The following ABCA1 variants were observed in gnomAD, a reference collection of about 807,000 sequenced individuals.
ABCA1 encodes the protein ATP binding cassette subfamily A member 1.
In ABCA1, 133 loss-of-function variants were observed where a neutral mutation model predicts 262.5. The ratio of observed to expected loss-of-function variants is 0.51; its 90% CI spans 0.44 to 0.59. ABCA1 has a LOEUF of 0.59. Ranked by LOEUF, ABCA1 falls within the 20% of genes least tolerant of loss-of-function variation. The probability of loss-of-function intolerance (pLI) is 0.00; values close to 1 mark genes in which losing one functional copy is unlikely to be tolerated. For missense variants in ABCA1, 2,452 were observed against 2,777.5 expected (o/e 0.88, Z 2.63); for synonymous variants, 1,022 against 1,043.5 (o/e 0.98, Z 0.40).
intron 42 of ABCA1, among the ~76,000 whole-genome samples, 175 bp downstream of exon 42, chr9:104,792,611 G>C (rs574624119): frequency 2.2e-4 from 34 of 152,278 alleles, no homozygotes; most frequent in African/African-American, 6.7e-4. Flanking sequence ...TTCTCAGTAA[G>C]AATTCTTTAA....
intron 5 of ABCA1, among the ~76,000 whole-genome samples, chr9:104,882,081 C>T (rs1838731728): frequency 1.6e-5 from 2 of 121,566 alleles, no homozygotes; most frequent in Admixed American, 9.1e-5. Flanking sequence ...CTGGTTTAAA[C>T]TCTAGAACTT....
chr9:104,858,452 G>C, intron 7 of ABCA1, 70 bp downstream of exon 7: 1 of 1,505,188 alleles, frequency 6.6e-7, no homozygotes, highest in South Asian at 1.1e-5. Context: ...AAGTCATGCT[G>C]TCCAAGGAAA....
intron 5 of ABCA1, among the ~76,000 whole-genome samples, chr9:104,871,753 T>C (rs1837626308): frequency 6.6e-6 from 1 of 151,558 alleles, no homozygotes. Flanking sequence ...ATAGGAAGTA[T>C]GAAGAAACAG....
Position 104,798,425 on chromosome 9 carries a change from T to C in ABCA1, c.5117A>G (p.Asp1706Gly), listed in dbSNP as rs1830076890. The change falls in exon 37 of 50, where the codon GAT (aspartate) becomes GGT (glycine). Residue 1706 changes from aspartate to glycine, a missense_variant. Coordinates refer to ENST00000374736, the MANE Select transcript of ABCA1 (RefSeq NM_005502.4). Reference protein sequence around the residue: ...VIYWLSNFVWDMCNYVVPATL... With the variant: ...VIYWLSNFVWGMCNYVVPATL... ...ACAGCAGGCCTGTGTCCTTACCATA[T>C]CCCAGACAAAATTAGAGAGCCAGTA... The C allele has an allele frequency of 1.9e-6, 3 of 1,614,002 alleles. No homozygotes were observed. The highest frequency in any genetic ancestry group is 1.7e-5 in the Admixed American group (1 of 59,990).
intron 7 of ABCA1, among the ~76,000 whole-genome samples, chr9:104,857,113 G>A (rs1835903763): frequency 6.6e-6 from 1 of 152,116 alleles, no homozygotes; most frequent in Non-Finnish European, 1.5e-5. Flanking sequence ...GAGACCAGCT[G>A]GGCAACATAG....
At chr9:104,823,984 T>C (rs1265629065) in intron 18 of ABCA1, among the ~76,000 whole-genome samples, 1 of 152,206 alleles carries the variant, frequency 6.6e-6, no homozygotes, top group Non-Finnish European at 1.5e-5. Context: ...CATCTCTGTC[T>C]GCAGTTAAGA....
intron 1 of ABCA1, among the ~76,000 whole-genome samples, chr9:104,923,504 TATG>T (rs1229092864): frequency 6.6e-6 from 1 of 152,110 alleles, no homozygotes; most frequent in Non-Finnish European, 1.5e-5. Flanking sequence ...ACAAGGAAAA[TATG>T]ATACAGGCTG....
chr9:104,784,705 G>A (rs1047640542), intron 49 of ABCA1, among the ~76,000 whole-genome samples: 1 of 152,096 alleles, frequency 6.6e-6, no homozygotes, highest in African/African-American at 2.4e-5. Context: ...GTGCAGTGGC[G>A]AGACCTTGGC....
intron 1 of ABCA1, among the ~76,000 whole-genome samples, chr9:104,913,263 G>T (rs1425874780): frequency 6.6e-6 from 1 of 152,086 alleles, no homozygotes; most frequent in Non-Finnish European, 1.5e-5. Context: ...TTGTTGTCTT[G>T]AGTTAATTGT....
chr9:104,856,147 C>CA, intron 7 of ABCA1: 1 of 1,507,948 alleles, frequency 6.6e-7, no homozygotes, highest in Non-Finnish European at 8.9e-7. Context: ...CTGCTTAATG[C>CA]AAATCAAGTA....
At chr9:104,904,800 G>A (rs1422180889) in intron 1 of ABCA1, among the ~76,000 whole-genome samples, 1 of 152,122 alleles carries the variant, frequency 6.6e-6, no homozygotes, top group Non-Finnish European at 1.5e-5. Context: ...AGCTCCCATG[G>A]TCAGCACATA....
intron 5 of ABCA1, among the ~76,000 whole-genome samples, chr9:104,880,108 C>A (rs960720523): frequency 6.6e-6 from 1 of 152,052 alleles, no homozygotes; most frequent in African/African-American, 2.4e-5. Flanking sequence ...AGTGGTAGAT[C>A]CCCGCCCTGG....
chr9:104,821,223 C>T, intron 20 of ABCA1, 152 bp downstream of exon 20: 2 of 1,117,048 alleles, frequency 1.8e-6, no homozygotes. Context: ...AGCCTGGCTA[C>T]AGAGCGAGAC....
At chr9:104,921,012 G>A (rs1175879487) in intron 1 of ABCA1, among the ~76,000 whole-genome samples, 1 of 152,102 alleles carries the variant, frequency 6.6e-6, no homozygotes, top group African/African-American at 2.4e-5. Flanking sequence ...ACATTAATTT[G>A]ACTCTGATAT....
Position 104,928,100 on chromosome 9 carries a change from G to A in ABCA1, c.-258C>T, listed in dbSNP as rs1826494990. 3 of 152,278 alleles carry A rather than the reference G, an allele frequency of 2.0e-5. No homozygotes were observed. Among genetic ancestry groups the A allele is most frequent in the African/African-American group, 7.2e-5 (3 of 41,466 alleles). The allele number at this position is 152,278 out of a possible 1,614,324, so 9.4% of individuals were successfully genotyped here. A position where few individuals can be genotyped will look rare whatever the true frequency, so the allele number is the denominator to read the frequency against. ...CCCTGCCCTGCCGCAGCCCGGGAGA[G>A]AAGGGTCGGCTCGGCTCTGCGGGTC... On this transcript the variant is annotated 5_prime_UTR_variant, in exon 1 of 50. Coordinates refer to ENST00000374736, the MANE Select transcript of ABCA1 (RefSeq NM_005502.4).
chr9:104,847,731 A>G (rs1835019848), intron 7 of ABCA1, among the ~76,000 whole-genome samples: 1 of 152,188 alleles, frequency 6.6e-6, no homozygotes, highest in Admixed American at 6.5e-5. Flanking sequence ...AGACATCCTC[A>G]TCCTGATTCC....
chr9:104,824,677 G>A (rs748048728), intron 17 of ABCA1, 99 bp from the exon 18 acceptor site: 48 of 1,369,332 alleles, frequency 3.5e-5, no homozygotes, highest in Middle Eastern at 2.5e-4. Context: ...ATCCTTTGGA[G>A]AAGGAACAGA....
rs1834265777 is a variant in ABCA1, at chr9:104,840,457, G to A, written c.876C>T (p.Asn292=). Reference sequence around the variant, plus strand: ...AGATTTGGGTGGAGGAGCTGGAGCTGTTCACATTGGTCAGAAACATCACCT... The same window carrying A: ...AGATTTGGGTGGAGGAGCTGGAGCTATTCACATTGGTCAGAAACATCACCT... ...RQEVMFLTNV[N]SSSSSTQIYQ... is the part of the protein sequence containing the mutation. Residue 292 remains asparagine (N), a synonymous_variant, in exon 9 of 50, where the codon AAC becomes AAT. Transcript: ENST00000374736. 1 of 1,614,024 alleles carries A rather than the reference G, an allele frequency of 6.2e-7. No individual in the cohort carries two copies. The highest frequency in any genetic ancestry group is 1.3e-5 in the African/African-American group (1 of 74,902).
chr9:104,867,057 G>A (rs913967438), intron 5 of ABCA1, among the ~76,000 whole-genome samples: 13 of 152,198 alleles, frequency 8.5e-5, no homozygotes, highest in Admixed American at 5.9e-4. Flanking sequence ...GGGAATTGCC[G>A]ATTGCAGAGA....
Sources: allele counts gnomAD v4.1 joint callset (sites outside exome capture counted in the v4.1 genomes callset), GRCh38; gene constraint gnomAD v4.1.1; transcripts MANE v1.5; gene names NCBI Gene and HGNC (gene_info 2026-07-23, HGNC 2026-07-21).